Variants in CTDP1 observed in about 807,000 individuals in gnomAD.
The protein encoded by CTDP1 is CTD phosphatase 1.
A neutral mutation model predicts 91.8 loss-of-function variants in CTDP1; 47 were observed. The ratio of observed to expected loss-of-function variants is 0.51; its 90% CI spans 0.41 to 0.65. The LOEUF (loss-of-function observed/expected upper bound fraction) is 0.65. Ranked by LOEUF, CTDP1 falls within the 30% of genes least tolerant of loss-of-function variation. CTDP1 has a pLI of 0.00. For missense variants in CTDP1, 1,272 were observed against 1,373.7 expected (o/e 0.93, Z 1.17); for synonymous variants, 656 against 598.5 (o/e 1.10, Z -1.40).
chr18:79,695,394 C>G (rs1194366639), intron 2 of CTDP1, 86 bp downstream of exon 2: 1 of 1,233,232 alleles, frequency 8.1e-7, no homozygotes, highest in Non-Finnish European at 1.2e-6. Context: ...GCTGGGAACA[C>G]AGTGAGGCCC....
intron 6 of CTDP1, among the ~76,000 whole-genome samples, chr18:79,711,209 C>T (rs1212799610): frequency 2.6e-5 from 4 of 152,162 alleles, no homozygotes; most frequent in Non-Finnish European, 5.9e-5. Context: ...GATGTCAGCC[C>T]GCCACCTGAC....
chr18:79,739,850 T>TCGGCGCTTGCTCCCTG (rs1288194047), intron 12 of CTDP1, among the ~76,000 whole-genome samples: 67 of 83,688 alleles, frequency 8.0e-4, no homozygotes, highest in East Asian at 1.3e-3. Context: ...CGGGTGGGAC[T>TCGGCGCTTGCTCCCTG]CTCATACCCA....
At chr18:79,685,879 C>T (rs1276108198) in intron 1 of CTDP1, among the ~76,000 whole-genome samples, 1 of 152,142 alleles carries the variant, frequency 6.6e-6, no homozygotes, top group Non-Finnish European at 1.5e-5. Flanking sequence ...ATTAACAATT[C>T]TAATAATTAT....
intron 10 of CTDP1, 95 bp from the exon 11 acceptor site, chr18:79,728,812 G>A (rs141053413): frequency 1.6e-6 from 2 of 1,251,990 alleles, no homozygotes; most frequent in Non-Finnish European, 1.1e-6. Flanking sequence ...GTGTGTGAGT[G>A]TTTACCTAGT....
Position 79,730,725 on chromosome 18 carries a change from A to G in CTDP1, c.2580+1656A>G, listed in dbSNP as rs372523832. On this transcript the variant is annotated intron_variant, in intron 11 of 12. Transcript: ENST00000613122. ...TGAGTCCTGGGCCCTTAAGACAATC[A>G]GCGCCTGCAGGCAGGAGAAGGGGTC... 1.2e-4 allele frequency among the ~76,000 whole-genome samples: 19 copies of G among 152,308 alleles called. No homozygotes were observed. In the East Asian group the frequency reaches 2.5e-3, roughly 20 times the overall value.
intron 1 of CTDP1, among the ~76,000 whole-genome samples, chr18:79,694,243 G>A (rs1377346102): frequency 6.7e-6 from 1 of 148,300 alleles, no homozygotes; most frequent in African/African-American, 2.5e-5. Flanking sequence ...GCCCGGCTGG[G>A]ATGGGAGTGT....
At chr18:79,704,328 G>A (rs1293123526) in intron 4 of CTDP1, among the ~76,000 whole-genome samples, 1 of 152,226 alleles carries the variant, frequency 6.6e-6, no homozygotes, top group African/African-American at 2.4e-5. Context: ...GGAGGGGCGG[G>A]TGCAAACGCA....
intron 5 of CTDP1, among the ~76,000 whole-genome samples, chr18:79,708,488 C>T (rs112292466): frequency 2.0e-5 from 3 of 152,214 alleles, no homozygotes; most frequent in East Asian, 1.9e-4. Flanking sequence ...CCGTGTGCCA[C>T]GTGGGGACGT....
intron 12 of CTDP1, 34 bp from the exon 13 acceptor site, chr18:79,753,618 A>C: frequency 1.2e-6 from 2 of 1,613,998 alleles, no homozygotes; most frequent in Non-Finnish European, 1.7e-6. Context: ...TGCGTTTGCC[A>C]CAAGCATCTC....
rs200603501 is a variant in CTDP1, at chr18:79,717,839, G to C, written c.2240G>C (p.Arg747Pro). 1.2e-6 allele frequency: 2 copies of C among 1,613,632 alleles called. No individual in the cohort carries two copies. The highest frequency in any genetic ancestry group is 1.7e-5 in the Admixed American group (1 of 60,024). ...RENSPAAFPDREGVPPTALFH... is the reference protein window; with the variant it reads ...RENSPAAFPDPEGVPPTALFH... ...AACAGCCCTGCGGCCTTTCCCGACC[G>C]GGAGGGTGTGCCCCCCACCGCCTTG... Residue 747 changes from arginine (R) to proline (P), a missense_variant, in exon 10 of 13, where the codon CGG (arginine) becomes CCG (proline). Arg to Pro is a moderately radical substitution (Grantham distance 103). This residue lies in a region of CTDP1 where 881 missense variants were observed against 911.6 expected (regional missense o/e 0.97). Coordinates refer to ENST00000613122, the MANE Select transcript of CTDP1 (RefSeq NM_004715.5).
rs1467103811 is a variant in CTDP1 at position 79,732,395 on chromosome 18, G to A, written c.2580+3326G>A. 1.5e-4 allele frequency among the ~76,000 whole-genome samples: 15 copies of A among 99,120 alleles called. 2 individuals carry two copies. The highest frequency in any genetic ancestry group is 4.0e-4 in the South Asian group (1 of 2,498). The allele number at this position is 99,120 out of a possible 152,430, so 65.0% of individuals were successfully genotyped here. ...ACATCAGGAGTGCTCCCAAAATCAC[G>A]CGAGACATGAGAACTCAGGAGTGCT... On this transcript the variant is annotated intron_variant, in intron 11 of 12. Transcript: ENST00000613122.
downstream of CTDP1, chr18:79,754,838 G>C (rs1458463647): frequency 6.6e-6 from 1 of 152,302 alleles, no homozygotes; most frequent in African/African-American, 2.4e-5. Flanking sequence ...ACCCCTCCCG[G>C]CCAGCAGCCT....
At chr18:79,701,533 AT>A (rs2085858173) in intron 4 of CTDP1, among the ~76,000 whole-genome samples, 1 of 1,662 alleles carries the variant, frequency 6.0e-4, no homozygotes, top group Non-Finnish European at 6.8e-3. Flanking sequence ...AATAAATTAA[AT>A]AAATAAATAA....
chr18:79,731,218 G>T (rs1428460910), intron 11 of CTDP1, among the ~76,000 whole-genome samples: 1 of 152,226 alleles, frequency 6.6e-6, no homozygotes, highest in African/African-American at 2.4e-5. Context: ...TCTGGAACCA[G>T]GGTCAAGTGC....
rs2085756200 is a variant in CTDP1 at position 79,696,708 on chromosome 18, G to A, written c.492+638G>A. Among the ~76,000 whole-genome samples, 4 of 152,158 alleles carry A rather than the reference G, an allele frequency of 2.6e-5. No individual in the cohort carries two copies. In the South Asian group the frequency reaches 8.3e-4, roughly 31 times the overall value. On this transcript the variant is annotated intron_variant, in intron 3 of 12. Transcript: ENST00000613122. Reference sequence around the variant, plus strand: ...CGCAGGGTGGAGAGGACGGGCAGGTGTTCACGTGCCCAGTTAAGAGTGAGA... The same window carrying A: ...CGCAGGGTGGAGAGGACGGGCAGGTATTCACGTGCCCAGTTAAGAGTGAGA...
chr18:79,730,868 T>A (rs2086552035), intron 11 of CTDP1, among the ~76,000 whole-genome samples: 2 of 152,234 alleles, frequency 1.3e-5, no homozygotes, highest in South Asian at 4.1e-4. Context: ...ACTTCTGACC[T>A]GCACAGCTGT....
chr18:79,723,777 C>T (rs1208564162), intron 10 of CTDP1, among the ~76,000 whole-genome samples: 1 of 152,182 alleles, frequency 6.6e-6, no homozygotes, highest in Non-Finnish European at 1.5e-5. Flanking sequence ...TGGCCTCAGC[C>T]GCTTCCCCTT....
At chr18:79,696,133 G>A (rs2085741317) in intron 3 of CTDP1, 63 bp downstream of exon 3, 2 of 1,433,520 alleles carry the variant, frequency 1.4e-6, no homozygotes, top group South Asian at 1.2e-5. Flanking sequence ...GGCGGCTGCA[G>A]GAGGAGGGTG....
intron 4 of CTDP1, among the ~76,000 whole-genome samples, chr18:79,704,357 G>A (rs1417640731): frequency 6.6e-6 from 1 of 151,626 alleles, no homozygotes; most frequent in Non-Finnish European, 1.5e-5. Context: ...CCCACGTGGA[G>A]TGGTGTGTCC....
Sources: gnomAD v4.1 joint callset for allele counts (sites outside exome capture counted in the v4.1 genomes callset) on GRCh38, gnomAD v4.1.1 for gene constraint, gnomAD v4.1.1 regional missense constraint, MANE v1.5 for transcripts, NCBI Gene and HGNC (gene_info 2026-07-23, HGNC 2026-07-21) for gene names.